The following ABR variants were observed in gnomAD, a reference collection of about 807,000 sequenced individuals.
ABR encodes the protein ABR activator of RhoGEF and GTPase.
In ABR, 35 loss-of-function variants were observed where a neutral mutation model predicts 107.2. That is an observed-to-expected ratio of 0.33 (90% CI 0.25 to 0.43). The LOEUF (loss-of-function observed/expected upper bound fraction) is 0.43. Among genes scored for constraint, ABR ranks in the 20% least tolerant of loss-of-function variants. The probability of loss-of-function intolerance (pLI) is 1.00; values close to 1 mark genes in which losing one functional copy is unlikely to be tolerated. For synonymous variants in ABR, 498 were observed against 462.0 expected, an observed-to-expected ratio of 1.08 and a Z score of -1.00; for missense variants, 815 against 1,115.2, an observed-to-expected ratio of 0.73 and a Z score of 3.83.
At chr17:1,013,233 C>A (rs2070791204) in intron 16 of ABR, 69 bp from the exon 17 acceptor site, 1 of 1,427,012 alleles carries the variant, frequency 7.0e-7, no homozygotes. Context: ...CCCCGTGGGT[C>A]AGCACTGCTC....
At chr17:1,116,019 G>A (rs1368964799) in intron 2 of ABR, among the ~76,000 whole-genome samples, 4 of 152,036 alleles carry the variant, frequency 2.6e-5, no homozygotes, top group African/African-American at 9.7e-5. Flanking sequence ...CTGAGGTTGG[G>A]AGTTCAAGAC....
At chr17:1,059,587 G>A (rs770693382) in intron 10 of ABR, among the ~76,000 whole-genome samples, 3 of 152,124 alleles carry the variant, frequency 2.0e-5, no homozygotes, top group South Asian at 2.1e-4. Context: ...CTCCCTGCCC[G>A]GCAGACAACC....
rs1483708512 is a variant in ABR, at chr17:1,125,513, G to A, written c.62-146C>T. 4 of 695,398 alleles carry A rather than the reference G, an allele frequency of 5.8e-6. No individual in the cohort carries two copies. In the East Asian group the frequency reaches 1.1e-4, roughly 19 times the overall value. The allele number at this position is 695,398 out of a possible 1,614,324, so 43.1% of individuals were successfully genotyped here. On this transcript the variant is annotated intron_variant, in intron 1 of 22. Transcript: ENST00000302538. ...CTGGCCCGGGCGGGGGCTGTGCGGG[G>A]GCCTGGGCCTGGTGAGGGGCGGGGG...
chr17:1,105,423 T>A (rs2038181233), intron 2 of ABR, among the ~76,000 whole-genome samples: 1 of 150,592 alleles, frequency 6.6e-6, no homozygotes, highest in African/African-American at 2.5e-5. Context: ...AAATGCAAAA[T>A]ATAGATCGAG....
At chr17:1,159,296 C>T (rs370496123) in intron 1 of ABR, among the ~76,000 whole-genome samples, 13,820 of 46,948 alleles carry the variant, frequency 0.29, 3,042 homozygotes, top group Middle Eastern at 0.46. Flanking sequence ...GGTAAGAATG[C>T]GGTACTCACA....
rs1164653835 is a variant in ABR, at chr17:1,148,246, C to A, written c.62-22879G>T. ...CACAAAACGCGGCCTTTACATAAAA[C>A]GGATATTATTCGGCTTATATTCCGA... On this transcript the variant is annotated intron_variant, in intron 1 of 22. Coordinates refer to ENST00000302538, the MANE Select transcript of ABR (RefSeq NM_021962.5). This position sits in a 1 kb window ranked among gnomAD's most constrained non-coding sequence, Gnocchi z 4.9. Among the ~76,000 whole-genome samples the A allele has an allele frequency of 6.6e-6, 1 of 152,216 alleles. No individual in the cohort carries two copies. The highest frequency in any genetic ancestry group is 1.5e-5 in the Non-Finnish European group (1 of 68,038).
intron 2 of ABR, among the ~76,000 whole-genome samples, chr17:1,124,754 C>T (rs73275152): frequency 6.6e-6 from 1 of 152,206 alleles, no homozygotes; most frequent in African/African-American, 2.4e-5. Flanking sequence ...CCACAGGGAG[C>T]ACCAGGCCCA....
chr17:1,220,563 C>A (rs1011469299), intron 1 of ABR, among the ~76,000 whole-genome samples: 1 of 152,138 alleles, frequency 6.6e-6, no homozygotes, highest in Non-Finnish European at 1.5e-5. Flanking sequence ...GCTTATGATT[C>A]TAGTATGGTA....
intron 1 of ABR, among the ~76,000 whole-genome samples, chr17:1,138,697 T>C (rs2040176576): frequency 6.6e-6 from 1 of 152,090 alleles, no homozygotes; most frequent in Admixed American, 6.6e-5. Flanking sequence ...CGGGCTGGTC[T>C]TGAACTCCTG....
At chr17:1,125,538 G>T in intron 1 of ABR, 171 bp from the exon 2 acceptor site, 1 of 517,420 alleles carries the variant, frequency 1.9e-6, no homozygotes, top group Non-Finnish European at 3.1e-6. Context: ...AGGGGCGGGG[G>T]AGAGCCAGCA....
In ABR at chr17:1,179,313, G is replaced by A. The variant is rs1011134733; in HGVS notation, c.61+354C>T. On this transcript the variant is annotated intron_variant, in intron 1 of 22. Transcript: ENST00000302538. The surrounding 1 kb of genome is among the most constrained non-coding windows in gnomAD (Gnocchi z 4.9). ...AGGGGCGGGGGCAGCACCCAGAAGG[G>A]CCTCCCTCCCCTGAGGCTCGCGGAG... Among the ~76,000 whole-genome samples the A allele has an allele frequency of 6.6e-6, 1 of 152,018 alleles. No homozygotes were observed. Among genetic ancestry groups the A allele is most frequent in the Non-Finnish European group, 1.5e-5 (1 of 67,984 alleles).
chr17:1,160,394 G>A (rs529926741), intron 1 of ABR, among the ~76,000 whole-genome samples: 1 of 152,240 alleles, frequency 6.6e-6, no homozygotes, highest in East Asian at 1.9e-4. Context: ...CAACTGTACA[G>A]TCAGTAGGAA....
At chr17:1,109,084 C>G in intron 2 of ABR, 7 of 1,538,686 alleles carry the variant, frequency 4.5e-6, no homozygotes, top group Non-Finnish European at 6.2e-6. Context: ...CCGGAGCCCG[C>G]GGAGGGCAGA....
At chr17:1,207,300 A>G (rs1307624042) in intron 1 of ABR, among the ~76,000 whole-genome samples, 1 of 151,920 alleles carries the variant, frequency 6.6e-6, no homozygotes, top group Non-Finnish European at 1.5e-5. Flanking sequence ...AGGTGAGAAT[A>G]TAAATTGGAT....
intron 1 of ABR, chr17:1,178,138 A>G (rs569680098): frequency 6.6e-6 from 1 of 152,330 alleles, no homozygotes; most frequent in South Asian, 2.1e-4. Context: ...CCTGGACCCA[A>G]GGGGATGCTG....
At position 1,048,685 on chromosome 17, in the gene ABR, C is replaced by G. The variant is rs867076575; in HGVS notation, c.1791+1365G>C. 3.9e-4 allele frequency among the ~76,000 whole-genome samples: 53 copies of G among 136,472 alleles called. 2 individuals are homozygous for G. Among genetic ancestry groups the G allele is most frequent in the African/African-American group, 1.8e-3 (52 of 29,060 alleles). 89.5% of individuals were successfully genotyped at this position (136,472 alleles called of 152,430 possible). On this transcript the variant is annotated intron_variant, in intron 16 of 22. Coordinates refer to ENST00000302538, the MANE Select transcript of ABR (RefSeq NM_021962.5). ...GGCGCCCAGCTGCCGCCTGGATCAC[C>G]TCCGGGGCCACGGTCAAGAAGCTCG... is the stretch of plus-strand genomic sequence containing the variant.
chr17:1,121,529 G>C (rs2039346500), intron 2 of ABR, among the ~76,000 whole-genome samples: 1 of 139,126 alleles, frequency 7.2e-6, no homozygotes, highest in African/African-American at 3.4e-5. Flanking sequence ...GCTCACAGTG[G>C]GATGGGAGCT....
At position 1,196,549 on chromosome 17, in the gene ABR, T is replaced by G. The variant is rs190232690; in HGVS notation, c.838+32244A>C. The stretch of plus-strand genomic sequence containing the variant: ...CATCCTGCCTCACCCACCCCCTCCC[T>G]AAATGTTGATGACTCTGTTGCCCTG... On this transcript the variant is annotated intron_variant, in intron 1 of 22. Transcript: ENST00000574139. 8.2e-4 allele frequency among the ~76,000 whole-genome samples: 91 copies of G among 110,698 alleles called. 1 individual carries two copies. The Middle Eastern group carries it at 0.013, about 16-fold the overall frequency. 72.6% of individuals were successfully genotyped at this position (110,698 alleles called of 152,430 possible). A position where few individuals can be genotyped will look rare whatever the true frequency, so the allele number is the denominator to read the frequency against.
chr17:1,057,340 G>T (rs574819860), intron 12 of ABR, among the ~76,000 whole-genome samples: 1 of 97,726 alleles, frequency 1.0e-5, no homozygotes, highest in Non-Finnish European at 2.5e-5. Flanking sequence ...GTGTGTGTGT[G>T]TGTGTGTGTG....
Sources: allele counts gnomAD v4.1 joint callset (sites outside exome capture counted in the v4.1 genomes callset), GRCh38; gene constraint gnomAD v4.1.1; non-coding constraint Gnocchi (gnomAD v3.1); transcripts MANE v1.5; gene names NCBI Gene and HGNC (gene_info 2026-07-23, HGNC 2026-07-21).